TTC39B: variants seen among roughly 807,000 people sequenced by gnomAD.
TTC39B encodes tetratricopeptide repeat protein 39B.
TTC39B carries 92 observed loss-of-function variants against 96.6 expected under a neutral mutation model. The observed-to-expected ratio is 0.95, with a 90% CI of 0.80 to 1.13. The LOEUF is 1.13. TTC39B is among the 50% of genes most tolerant of loss of function. TTC39B has a pLI of 0.00. For synonymous variants in TTC39B, 367 were observed against 299.4 expected (o/e 1.23, Z -2.33); for missense variants, 955 against 809.3 (o/e 1.18, Z -2.18).
chr9:15,269,774 G>T (rs752921151), intron 1 of TTC39B, among the ~76,000 whole-genome samples: 26 of 151,270 alleles, frequency 1.7e-4, no homozygotes, highest in Non-Finnish European at 3.4e-4. Flanking sequence ...ATAATCGCTT[G>T]AACCTGGGAG....
intron 7 of TTC39B, among the ~76,000 whole-genome samples, chr9:15,200,854 C>T (rs916333879): frequency 2.0e-5 from 3 of 152,128 alleles, no homozygotes; most frequent in Non-Finnish European, 4.4e-5. Context: ...CAGAAAGTAG[C>T]CGGGCATGGT....
chr9:15,285,870 T>C (rs1044314273), intron 1 of TTC39B, among the ~76,000 whole-genome samples: 1 of 152,056 alleles, frequency 6.6e-6, no homozygotes, highest in Admixed American at 6.6e-5. Context: ...AAAAAGAATA[T>C]ACAAAGGACA....
intron 2 of TTC39B, among the ~76,000 whole-genome samples, chr9:15,256,149 G>C (rs1043170571): frequency 1.3e-5 from 2 of 152,152 alleles, no homozygotes; most frequent in Non-Finnish European, 2.9e-5. Flanking sequence ...TAACAAAAAA[G>C]CTTGAGGGAG....
exon 7 of TTC39B, chr9:15,203,853 G>C: frequency 6.2e-7 from 1 of 1,613,334 alleles, no homozygotes; most frequent in Non-Finnish European, 8.5e-7. Context: ...CTTTCTGTAG[G>C]AGACACTCGG....
At chr9:15,301,329 G>A (rs1347042403) in intron 1 of TTC39B, among the ~76,000 whole-genome samples, 1 of 152,222 alleles carries the variant, frequency 6.6e-6, no homozygotes, top group Admixed American at 6.5e-5. Context: ...AAATAGTACA[G>A]TGACTTGTGT....
At chr9:15,218,911 T>C (rs1820683960) in intron 3 of TTC39B, among the ~76,000 whole-genome samples, 1 of 152,070 alleles carries the variant, frequency 6.6e-6, no homozygotes, top group African/African-American at 2.4e-5. Context: ...AAGGCCATTT[T>C]CTATTACTTT....
At chr9:15,261,421 G>A (rs910076805) in intron 2 of TTC39B, among the ~76,000 whole-genome samples, 1 of 152,146 alleles carries the variant, frequency 6.6e-6, no homozygotes, top group Non-Finnish European at 1.5e-5. Flanking sequence ...GCTGCAGTGA[G>A]TTGAGAACGC....
intron 7 of TTC39B, among the ~76,000 whole-genome samples, chr9:15,201,204 C>T (rs771168587): frequency 1.3e-5 from 2 of 149,882 alleles, no homozygotes; most frequent in South Asian, 2.1e-4. Context: ...CTTATGATTA[C>T]ATAAAATCCA....
At chr9:15,272,794 C>T (rs556533024) in intron 1 of TTC39B, among the ~76,000 whole-genome samples, 25 of 152,282 alleles carry the variant, frequency 1.6e-4, no homozygotes, top group African/African-American at 5.5e-4. Flanking sequence ...TGGCTGAGCA[C>T]CCTTGTCTGG....
At chr9:15,227,239 C>T (rs1332734790) in intron 2 of TTC39B, among the ~76,000 whole-genome samples, 1 of 150,578 alleles carries the variant, frequency 6.6e-6, no homozygotes, top group East Asian at 1.9e-4. Context: ...ACCCAGGAGG[C>T]GGAGGTTGCG....
In TTC39B at chr9:15,189,630, AG is replaced by A. The variant is rs761981842; in HGVS notation, c.1176del (p.Ser393HisfsTer10). ...CGGGCATGATAAAACAACACGAGTG[AG>A]CCCTGCAGAGCAAGGAAGAAAACAC... On this transcript the variant is annotated frameshift_variant and splice_region_variant, in exon 13 of 20. Coordinates refer to ENST00000512701, the Ensembl canonical transcript of TTC39B. LOFTEE classifies it high-confidence loss of function. 6.2e-7 allele frequency: 1 copy of A among 1,614,178 alleles called. No homozygotes were observed. The highest frequency in any genetic ancestry group is 8.5e-7 in the Non-Finnish European group (1 of 1,180,022).
chr9:15,192,691 A>G, exon 9 of TTC39B: 1 of 1,612,726 alleles, frequency 6.2e-7, no homozygotes, highest in Non-Finnish European at 8.5e-7. Flanking sequence ...ATAGAAAGAC[A>G]TTCTCTGGGT....
chr9:15,204,975 C>T (rs1391332237), intron 6 of TTC39B, among the ~76,000 whole-genome samples: 1 of 152,194 alleles, frequency 6.6e-6, no homozygotes, highest in Non-Finnish European at 1.5e-5. Flanking sequence ...CAGATTCTTG[C>T]TCTATCCATG....
At chr9:15,200,451 G>A (rs1327887728) in intron 7 of TTC39B, among the ~76,000 whole-genome samples, 1 of 152,104 alleles carries the variant, frequency 6.6e-6, no homozygotes, top group Non-Finnish European at 1.5e-5. Flanking sequence ...TTTCTGAAGT[G>A]GCTGTCACTA....
chr9:15,239,338 T>G (rs1245930928), intron 2 of TTC39B, among the ~76,000 whole-genome samples: 4 of 152,212 alleles, frequency 2.6e-5, no homozygotes, highest in African/African-American at 4.8e-5. Flanking sequence ...TGCTTCAACC[T>G]CTATGGAAAA....
At chr9:15,250,433 C>A (rs1197392962) in intron 2 of TTC39B, among the ~76,000 whole-genome samples, 7 of 151,876 alleles carry the variant, frequency 4.6e-5, no homozygotes, top group Non-Finnish European at 1.5e-5. Flanking sequence ...AAAGAATGAT[C>A]CCTTTTGTCT....
At position 15,289,405 on chromosome 9, in the gene TTC39B, A is replaced by G. The variant is rs570258586; in HGVS notation, c.240+17679T>C. On this transcript the variant is annotated intron_variant, in intron 1 of 19. Coordinates refer to ENST00000512701, the Ensembl canonical transcript of TTC39B. ...ATGCTAATTAAATTAATGGATGCAAATAAGTATTTAAAGTATGCCAGGCAC... is the reference window on the plus strand; with the variant it reads ...ATGCTAATTAAATTAATGGATGCAAGTAAGTATTTAAAGTATGCCAGGCAC... 2.6e-5 allele frequency among the ~76,000 whole-genome samples: 4 copies of G among 152,362 alleles called. No homozygotes were observed. In the South Asian group the frequency reaches 8.3e-4, roughly 32 times the overall value.
exon 10 of TTC39B, chr9:15,191,239 G>A: frequency 1.2e-6 from 2 of 1,609,770 alleles, no homozygotes; most frequent in South Asian, 2.2e-5. Context: ...AATCCTTGCT[G>A]GTAAAAGGGA....
At chr9:15,289,063 C>T (rs1196499751) in intron 1 of TTC39B, among the ~76,000 whole-genome samples, 1 of 152,120 alleles carries the variant, frequency 6.6e-6, no homozygotes, top group African/African-American at 2.4e-5. Flanking sequence ...CCTTATCTAC[C>T]CCAGGTAGCA....
Sources: gnomAD v4.1 joint callset for allele counts (sites outside exome capture counted in the v4.1 genomes callset) on GRCh38, gnomAD v4.1.1 for gene constraint, MANE v1.5 for transcripts, NCBI Gene and HGNC (gene_info 2026-07-23, HGNC 2026-07-21) for gene names.